Variants in LARGE1 observed in about 807,000 individuals in gnomAD.
The protein encoded by LARGE1 is LARGE xylosyl- and glucuronyltransferase 1.
A neutral mutation model predicts 87.6 loss-of-function variants in LARGE1; 43 were observed. The observed-to-expected ratio is 0.49, with a 90% CI of 0.38 to 0.63. The LOEUF (loss-of-function observed/expected upper bound fraction) is 0.63, where lower values mean the gene tolerates loss of function less well. Ranked by LOEUF, LARGE1 falls within the 30% of genes least tolerant of loss-of-function variation. The pLI, the probability that LARGE1 is intolerant of heterozygous loss-of-function variation, is 0.00. For missense variants in LARGE1, 802 were observed against 1,000.2 expected (o/e 0.80, Z 2.67); for synonymous variants, 434 against 394.6 (o/e 1.10, Z -1.18).
chr22:33,284,821 C>T (rs879723159), intron 12 of LARGE1, among the ~76,000 whole-genome samples: 16 of 152,120 alleles, frequency 1.1e-4, no homozygotes, highest in Admixed American at 2.0e-4. Flanking sequence ...GTGATCCGCC[C>T]GCCTTGGCCT....
intron 9 of LARGE1, among the ~76,000 whole-genome samples, chr22:33,360,141 C>A (rs1042257676): frequency 6.7e-6 from 1 of 149,286 alleles, no homozygotes; most frequent in African/African-American, 2.5e-5. Context: ...GGTGAAACCT[C>A]GTCTCTATTA....
At chr22:33,359,088 A>C (rs1290203350) in intron 9 of LARGE1, among the ~76,000 whole-genome samples, 1 of 152,004 alleles carries the variant, frequency 6.6e-6, no homozygotes, top group African/African-American at 2.4e-5. Flanking sequence ...AACCCACTTA[A>C]TCCAAACAGA....
intron 1 of LARGE1, among the ~76,000 whole-genome samples, chr22:33,827,094 G>A (rs751586214): frequency 2.0e-5 from 3 of 152,060 alleles, no homozygotes; most frequent in Non-Finnish European, 4.4e-5. Flanking sequence ...CGGGCACGGT[G>A]GCTCACTCCT....
chr22:33,778,222 C>A (rs185646176), intron 1 of LARGE1, among the ~76,000 whole-genome samples: 5 of 152,274 alleles, frequency 3.3e-5, no homozygotes, highest in African/African-American at 4.8e-5. Context: ...TTGAACTGTA[C>A]CCCGTGTGAT....
At chr22:33,801,919 T>C (rs1382694442) in intron 1 of LARGE1, among the ~76,000 whole-genome samples, 1 of 152,116 alleles carries the variant, frequency 6.6e-6, no homozygotes, top group Non-Finnish European at 1.5e-5. Context: ...CTTAAAACAC[T>C]GTCTGACACC....
At chr22:33,395,147 T>C (rs2065684830) in intron 7 of LARGE1, among the ~76,000 whole-genome samples, 1 of 144,850 alleles carries the variant, frequency 6.9e-6, no homozygotes, top group Admixed American at 7.1e-5. Context: ...GAGAATGGTG[T>C]GAACCCCGGA....
chr22:33,166,729 A>G (rs1249815941), exon 12 of LARGE1: 1 of 471,242 alleles, frequency 2.1e-6, no homozygotes, highest in South Asian at 1.5e-5. Flanking sequence ...AACAGTACCC[A>G]AGTCCTCGAG....
At chr22:33,109,539 G>T in the LARGE1 span, among the ~76,000 whole-genome samples, 1 of 152,154 alleles carries the variant, frequency 6.6e-6, no homozygotes, top group Non-Finnish European at 1.5e-5. Context: ...GCCAGAAGGG[G>T]ATGAGGAAAT....
intron 1 of LARGE1, among the ~76,000 whole-genome samples, chr22:33,773,284 A>G (rs1471372705): frequency 6.6e-6 from 1 of 152,220 alleles, no homozygotes; most frequent in Non-Finnish European, 1.5e-5. Context: ...TCATCATGTG[A>G]ACTCTAATTT....
chr22:33,240,239 T>A (rs762390633), intron 11 of LARGE1, among the ~76,000 whole-genome samples: 1 of 152,222 alleles, frequency 6.6e-6, no homozygotes, highest in African/African-American at 2.4e-5. Context: ...TAATGTAAAT[T>A]CCACTGAAGA....
chr22:33,902,648 A>G (rs942945138), intron 1 of LARGE1, among the ~76,000 whole-genome samples: 8 of 152,230 alleles, frequency 5.3e-5, no homozygotes, highest in African/African-American at 1.7e-4. Context: ...TGCACTGCCT[A>G]GGTGAATCTG....
chr22:33,788,839 T>C (rs983153917), intron 1 of LARGE1, among the ~76,000 whole-genome samples: 1 of 152,182 alleles, frequency 6.6e-6, no homozygotes, highest in African/African-American at 2.4e-5. Flanking sequence ...GTTAAAAGCA[T>C]TCAGTTTTAA....
intron 2 of LARGE1, among the ~76,000 whole-genome samples, chr22:33,754,600 T>C (rs1376137449): frequency 6.6e-6 from 1 of 152,208 alleles, no homozygotes; most frequent in Admixed American, 6.5e-5. Flanking sequence ...CCTCCCAAAG[T>C]GCTGGGATTA....
chr22:33,674,886 A>G (rs531632046), intron 2 of LARGE1, among the ~76,000 whole-genome samples: 6 of 152,236 alleles, frequency 3.9e-5, no homozygotes, highest in Non-Finnish European at 8.8e-5. Context: ...TCTTCTGCTG[A>G]GTGCAGAAGT....
chr22:33,331,511 G>A (rs1937699591), intron 10 of LARGE1, among the ~76,000 whole-genome samples: 1 of 150,964 alleles, frequency 6.6e-6, no homozygotes, highest in Non-Finnish European at 1.5e-5. Flanking sequence ...AGGTTCAAGC[G>A]ATTCTCCTGT....
chr22:33,727,510 A>G (rs1351653996), intron 2 of LARGE1: 1 of 152,242 alleles, frequency 6.6e-6, no homozygotes, highest in Non-Finnish European at 1.5e-5. Flanking sequence ...TGAAGATGGA[A>G]AACAGAACGT....
chr22:33,547,577 T>C (rs1287097575), intron 6 of LARGE1, among the ~76,000 whole-genome samples: 2 of 151,744 alleles, frequency 1.3e-5, no homozygotes, highest in African/African-American at 4.8e-5. Context: ...AGGTGGATCA[T>C]GAGGTCAAGA....
chr22:33,127,445 C>G, the LARGE1 span, among the ~76,000 whole-genome samples: 4 of 152,134 alleles, frequency 2.6e-5, no homozygotes, highest in Admixed American at 2.6e-4. Context: ...ATTACCTCTT[C>G]TGACCATCCA....
chr22:33,664,378 C>T (rs867895670), intron 2 of LARGE1, among the ~76,000 whole-genome samples: 2 of 152,236 alleles, frequency 1.3e-5, no homozygotes, highest in Admixed American at 6.5e-5. Flanking sequence ...TCATGTCCCA[C>T]ATGTATGTCA....
Sources: allele counts gnomAD v4.1 joint callset (sites outside exome capture counted in the v4.1 genomes callset), GRCh38; gene constraint gnomAD v4.1.1; transcripts MANE v1.5; gene names NCBI Gene and HGNC (gene_info 2026-07-23, HGNC 2026-07-21).